Variants in CD8A observed in about 807,000 individuals in gnomAD.
The protein encoded by CD8A is CD8 subunit alpha.
Under a neutral mutation model 24.2 loss-of-function variants are expected in CD8A, and 25 were observed. The observed-to-expected ratio is 1.03, with a 90% confidence interval of 0.75 to 1.44. CD8A has a LOEUF of 1.44. Ranked by LOEUF, CD8A falls within the 40% of genes most tolerant of loss-of-function variation. CD8A has a pLI of 0.00. For missense variants in CD8A, 360 were observed against 319.7 expected (o/e 1.13, Z -0.96); for synonymous variants, 165 against 149.9 (o/e 1.10, Z -0.74).
chr2:86,784,792 T>C lies in CD8A; in HGVS notation c.*1128A>G, dbSNP rs760028719. 2.0e-5 allele frequency: 9 copies of C among 453,986 alleles called. No homozygotes were observed. Among genetic ancestry groups the C allele is most frequent in the Non-Finnish European group, 4.0e-5 (9 of 226,782 alleles). The allele number at this position is 453,986 out of a possible 1,614,324, so 28.1% of individuals were successfully genotyped here. A position where few individuals can be genotyped will look rare whatever the true frequency, so the allele number is the denominator to read the frequency against. On this transcript the variant is annotated 3_prime_UTR_variant, in exon 6 of 6. Transcript: ENST00000283635. ...CCTAAGGTGAAGAATTATGAGTGGTTCTTATTTCCTTATCTACTTAAGTTT... is the reference window on the plus strand; with the variant it reads ...CCTAAGGTGAAGAATTATGAGTGGTCCTTATTTCCTTATCTACTTAAGTTT...
intron 3 of CD8A, among the ~76,000 whole-genome samples, chr2:86,799,572 C>A (rs555377022): frequency 6.6e-6 from 1 of 151,430 alleles, no homozygotes; most frequent in South Asian, 2.1e-4. Flanking sequence ...CTGGCTAACA[C>A]GGTGAAACCC....
At position 86,785,355 on chromosome 2, in the gene CD8A, G is replaced by A. The variant is rs1381406465; in HGVS notation, c.*565C>T. The A allele has an allele frequency of 1.1e-5, 5 of 453,720 alleles. No homozygotes were observed. Among genetic ancestry groups the A allele is most frequent in the Admixed American group, 2.4e-5 (1 of 42,544 alleles). 28.1% of individuals were successfully genotyped at this position (453,720 alleles called of 1,614,324 possible). On this transcript the variant is annotated 3_prime_UTR_variant, in exon 6 of 6. Coordinates refer to ENST00000283635, the MANE Select transcript of CD8A (RefSeq NM_001768.7). ...CTCTTCTTTAATTCATTACCTCCTC[G>A]AGGCTCTGGGCACAGTATCCCAGGT...
intron 2 of CD8A, among the ~76,000 whole-genome samples, chr2:86,804,971 T>G (rs1240646417): frequency 1.3e-5 from 2 of 151,834 alleles, no homozygotes; most frequent in Non-Finnish European, 2.9e-5. Flanking sequence ...CCTGGCTAAT[T>G]TTTGTATTTG....
chr2:86,798,336 C>T lies in CD8A; in HGVS notation c.-271+3175G>A, dbSNP rs7572147. Reference sequence around the variant, plus strand: ...GATTACAGGCATGCACCACCACGTCCGGCTAATTTTGTATTTTTAGTAGAG... The same window carrying T: ...GATTACAGGCATGCACCACCACGTCTGGCTAATTTTGTATTTTTAGTAGAG... On this transcript the variant is annotated intron_variant, in intron 3 of 8. Coordinates refer to the CD8A transcript ENST00000409511. Among the ~76,000 whole-genome samples, 1,447 of 152,016 alleles carry T rather than the reference C, an allele frequency of 9.5e-3. 24 individuals carry two copies. The highest frequency in any genetic ancestry group is 0.033 in the African/African-American group (1,371 of 41,464).
In CD8A at chr2:86,789,306, G is replaced by C. The variant is rs1673161106; in HGVS notation, c.625+17C>G. ...AGCGGGGCCGACTCCTTCCCGCCGC[G>C]ATTCCTCGGGACTTACTGTGGTTGC... On this transcript the variant is annotated intron_variant, in intron 4 of 5. Coordinates refer to ENST00000283635, the MANE Select transcript of CD8A (RefSeq NM_001768.7). 1 of 1,521,870 alleles carries C rather than the reference G, an allele frequency of 6.6e-7. No homozygotes were observed. Among genetic ancestry groups the C allele is most frequent in the East Asian group, 2.3e-5 (1 of 44,436 alleles). 94.3% of individuals were successfully genotyped at this position (1,521,870 alleles called of 1,614,324 possible).
intron 2 of CD8A, among the ~76,000 whole-genome samples, chr2:86,804,105 G>C (rs925663199): frequency 2.6e-5 from 4 of 152,188 alleles, no homozygotes; most frequent in South Asian, 2.1e-4. Flanking sequence ...TGATGCATAA[G>C]TCAATTTGTT....
In CD8A at chr2:86,785,212, A is replaced by G. The variant is rs1161875311; in HGVS notation, c.*708T>C. ...ATTTTCTTTAGAGATAGAGGGATTC[A>G]TTTTCCAGGGTTAAGCTCACCACTT... On this transcript the variant is annotated 3_prime_UTR_variant, in exon 6 of 6. Coordinates refer to ENST00000283635, the MANE Select transcript of CD8A (RefSeq NM_001768.7). 6 of 453,452 alleles carry G rather than the reference A, an allele frequency of 1.3e-5. No individual in the cohort carries two copies. The highest frequency in any genetic ancestry group is 9.3e-5 in the South Asian group (6 of 64,454). 28.1% of individuals were successfully genotyped at this position (453,452 alleles called of 1,614,324 possible).
upstream of CD8A, among the ~76,000 whole-genome samples, chr2:86,793,529 AC>A (rs1340762261): frequency 6.6e-6 from 1 of 152,240 alleles, no homozygotes; most frequent in African/African-American, 2.4e-5. Context: ...CAGACAGGCC[AC>A]CAACACATCA....
chr2:86,787,898 A>AGAGAGAGAGAGAGAGTGTGTGT (rs369993109), intron 5 of CD8A, among the ~76,000 whole-genome samples: 17 of 144,598 alleles, frequency 1.2e-4, no homozygotes, highest in African/African-American at 3.8e-4. Context: ...AGAGAGAGAG[A>AGAGAGAGAGAGAGAGTGTGTGT]GTGTGTGTGT....
intron 3 of CD8A, among the ~76,000 whole-genome samples, chr2:86,796,560 C>T (rs776942354): frequency 6.6e-6 from 1 of 152,154 alleles, no homozygotes; most frequent in Non-Finnish European, 1.5e-5. Flanking sequence ...TTTGGTTACA[C>T]CTTGCATTGA....
intron 3 of CD8A, 91 bp downstream of exon 3, chr2:86,789,549 C>A: frequency 7.6e-7 from 1 of 1,323,796 alleles, no homozygotes; most frequent in Non-Finnish European, 1.1e-6. Flanking sequence ...TTGGACAGCC[C>A]TTGACTCTAC....
chr2:86,804,794 C>CTTTT (rs70958908), intron 2 of CD8A, among the ~76,000 whole-genome samples: 13 of 94,032 alleles, frequency 1.4e-4, no homozygotes, highest in East Asian at 6.3e-4. Flanking sequence ...CTTGCTAAAT[C>CTTTT]TTTTTTTTTT....
In CD8A at chr2:86,786,615, A is replaced by G. The variant is rs569894099; in HGVS notation, c.657-644T>C. Reference sequence around the variant, plus strand: ...TTTAATCTGTATAGCTTTGTATTTTAAGGCAGAACTTTATTCTCAGTTATT... The same window carrying G: ...TTTAATCTGTATAGCTTTGTATTTTGAGGCAGAACTTTATTCTCAGTTATT... On this transcript the variant is annotated intron_variant, in intron 5 of 5. Transcript: ENST00000283635. Among the ~76,000 whole-genome samples the G allele has an allele frequency of 4.7e-4, 72 of 152,306 alleles. 1 individual carries two copies. The highest frequency in any genetic ancestry group is 1.7e-3 in the African/African-American group (72 of 41,564).
upstream of CD8A, chr2:86,791,205 G>A (rs1449149436): frequency 2.2e-6 from 1 of 450,310 alleles, no homozygotes; most frequent in Admixed American, 3.0e-5. Context: ...AGAAGTGAGG[G>A]CGAGAGTAGG....
chr2:86,804,091 G>C (rs12623395), intron 2 of CD8A, among the ~76,000 whole-genome samples: 70,769 of 152,040 alleles, frequency 0.47, 17,596 homozygotes, highest in East Asian at 0.8. Flanking sequence ...GTAACTAAGT[G>C]AGATGATGCA....
chr2:86,790,461 C>T lies in CD8A; in HGVS notation c.270G>A (p.Ser90=), dbSNP rs776195299. The T allele has an allele frequency of 3.1e-6, 5 of 1,614,046 alleles. No individual in the cohort carries two copies. In the Admixed American group the frequency reaches 6.7e-5, roughly 22 times the overall value. Residue 90 remains serine, a synonymous_variant, in exon 2 of 6, where the codon TCG becomes TCA. Coordinates refer to ENST00000283635, the MANE Select transcript of CD8A (RefSeq NM_001768.7). ...AAEGLDTQRF[S]GKRLGDTFVL... ...CGAAGGTGTCCCCCAACCTCTTGCC[C>T]GAGAACCGCTGGGTGTCCAGCCCCT...
At chr2:86,794,884 C>T (rs1479735190), upstream of CD8A, among the ~76,000 whole-genome samples, 1 of 152,178 alleles carries the variant, frequency 6.6e-6, no homozygotes. Context: ...CTAGTCCTTT[C>T]CACTTCAGAG....
Position 86,788,379 on chromosome 2 carries a change from T to C in CD8A, c.656+151A>G, listed in dbSNP as rs1673111487. Reference sequence around the variant, plus strand: ...CAGGCCAGATGCCAGCCTTGGCCTCTCTTTGCTCAGGAACTGGCTGACTCC... The same window carrying C: ...CAGGCCAGATGCCAGCCTTGGCCTCCCTTTGCTCAGGAACTGGCTGACTCC... On this transcript the variant is annotated intron_variant, in intron 5 of 5. Coordinates refer to ENST00000283635, the MANE Select transcript of CD8A (RefSeq NM_001768.7). The C allele has an allele frequency of 4.6e-5, 33 of 714,644 alleles. No homozygotes were observed. The South Asian group carries it at 5.0e-4, about 11-fold the overall frequency. 44.3% of individuals were successfully genotyped at this position (714,644 alleles called of 1,614,324 possible).
rs1450020843 is a variant in CD8A, at chr2:86,790,359, G to A, written c.372C>T (p.Tyr124=). 1.9e-6 allele frequency: 3 copies of A among 1,613,918 alleles called. No individual in the cohort carries two copies. In the South Asian group the frequency reaches 3.3e-5, roughly 18 times the overall value. ...GGAAGACCGGCACGAAGTGGCTGAA[G>A]TACATGATGGAGTTGCTCAGGGCCG... ...FCSALSNSIM[Y]FSHFVPVFLP... is the part of the protein sequence containing the mutation. The change falls in exon 2 of 6, where the codon TAC becomes TAT. Residue 124 remains tyrosine (Y), a synonymous_variant. Coordinates refer to ENST00000283635, the MANE Select transcript of CD8A (RefSeq NM_001768.7).
Sources: allele counts gnomAD v4.1 joint callset (sites outside exome capture counted in the v4.1 genomes callset), GRCh38; gene constraint gnomAD v4.1.1; transcripts MANE v1.5; gene names NCBI Gene and HGNC (gene_info 2026-07-23, HGNC 2026-07-21).